Variants in MACROD2 observed in about 807,000 individuals in gnomAD.
The protein encoded by MACROD2 is ADP-ribose glycohydrolase MACROD2.
Under a neutral mutation model 70.4 loss-of-function variants are expected in MACROD2, and 36 were observed. That is an observed-to-expected ratio of 0.51 (90% CI 0.39 to 0.68). MACROD2 has a LOEUF of 0.68. Among genes scored for constraint, MACROD2 ranks in the 30% least tolerant of loss-of-function variants. MACROD2 has a pLI of 0.00. For missense variants in MACROD2, 496 were observed against 538.4 expected, an observed-to-expected ratio of 0.92 and a Z score of 0.78; for synonymous variants, 172 against 178.8, an observed-to-expected ratio of 0.96 and a Z score of 0.30.
At chr20:15,141,459 G>A (rs6079677) in intron 5 of MACROD2, among the ~76,000 whole-genome samples, 88,082 of 149,506 alleles carry the variant, frequency 0.59, 26,301 homozygotes, top group East Asian at 0.63. Context: ...TTGAAATCAA[G>A]TGATCTGGCT....
chr20:16,000,252 T>A (rs1292106776), intron 15 of MACROD2, among the ~76,000 whole-genome samples: 1 of 152,250 alleles, frequency 6.6e-6, no homozygotes, highest in Non-Finnish European at 1.5e-5. Flanking sequence ...TATGAATCTT[T>A]GTCAACACAC....
chr20:14,736,819 A>G (rs117523042), intron 5 of MACROD2, among the ~76,000 whole-genome samples: 5,248 of 152,286 alleles, frequency 0.034, 127 homozygotes, highest in Non-Finnish European at 0.05. Flanking sequence ...TCCGAAGCCA[A>G]AGCTCTTACC....
intron 3 of MACROD2, among the ~76,000 whole-genome samples, chr20:14,376,470 G>A (rs1680821547): frequency 6.6e-6 from 1 of 152,170 alleles, no homozygotes; most frequent in African/African-American, 2.4e-5. Flanking sequence ...CTGTGGGGAT[G>A]GGTGTAGTGG....
chr20:16,030,146 C>T (rs1278597216), intron 15 of MACROD2, among the ~76,000 whole-genome samples: 2 of 152,140 alleles, frequency 1.3e-5, no homozygotes. Context: ...AGGAATTATC[C>T]AAGCCCCAAA....
chr20:15,943,383 G>T (rs553748263), intron 12 of MACROD2, among the ~76,000 whole-genome samples: 2 of 152,220 alleles, frequency 1.3e-5, no homozygotes, highest in African/African-American at 2.4e-5. Flanking sequence ...CCCATTCTTG[G>T]TGTTCACCAT....
intron 4 of MACROD2, among the ~76,000 whole-genome samples, chr20:14,590,002 T>C (rs949535862): frequency 1.3e-5 from 2 of 152,216 alleles, no homozygotes; most frequent in African/African-American, 2.4e-5. Context: ...ATTTGTATTA[T>C]AGCTTCTTGG....
At chr20:15,937,428 C>T in intron 11 of MACROD2, 48 bp from the exon 12 acceptor site, 1 of 1,586,442 alleles carries the variant, frequency 6.3e-7, no homozygotes, top group Non-Finnish European at 8.7e-7. Context: ...CACAGCTGGA[C>T]TTCCGGAAGG....
chr20:14,765,680 C>T (rs204108), intron 5 of MACROD2, among the ~76,000 whole-genome samples: 1 of 151,872 alleles, frequency 6.6e-6, no homozygotes, highest in South Asian at 2.1e-4. Context: ...ATTTTCAAAA[C>T]GCCTTAGAAA....
chr20:14,547,798 A>G (rs1978366325), intron 4 of MACROD2, among the ~76,000 whole-genome samples: 1 of 152,180 alleles, frequency 6.6e-6, no homozygotes, highest in Admixed American at 6.6e-5. Flanking sequence ...TCACTCATAC[A>G]GTTGCATTCA....
intron 7 of MACROD2, among the ~76,000 whole-genome samples, chr20:15,489,798 G>A (rs139212670): frequency 6.6e-6 from 1 of 152,262 alleles, no homozygotes; most frequent in African/African-American, 2.4e-5. Flanking sequence ...CAACATGCCA[G>A]GTTCCAGGCT....
intron 3 of MACROD2, among the ~76,000 whole-genome samples, chr20:14,101,648 C>T (rs1031516195): frequency 6.6e-6 from 1 of 151,870 alleles, no homozygotes; most frequent in African/African-American, 2.4e-5. Context: ...CAAAATAAAA[C>T]CTAAACAGAA....
At chr20:15,333,367 TC>T (rs1555805583) in intron 6 of MACROD2, among the ~76,000 whole-genome samples, 1 of 151,576 alleles carries the variant, frequency 6.6e-6, no homozygotes, top group Non-Finnish European at 1.5e-5. Context: ...CCTCTTAAGC[TC>T]AGTTTCATTT....
intron 3 of MACROD2, among the ~76,000 whole-genome samples, chr20:14,369,839 A>C (rs2083306328): frequency 6.6e-6 from 1 of 152,246 alleles, no homozygotes; most frequent in Non-Finnish European, 1.5e-5. Context: ...ATAAATACTT[A>C]ATGTTAAAAG....
chr20:14,054,070 G>A (rs1178934126), intron 2 of MACROD2, among the ~76,000 whole-genome samples: 1 of 151,774 alleles, frequency 6.6e-6, no homozygotes, highest in African/African-American at 2.4e-5. Context: ...AATTTTTTTA[G>A]TATGTAATCG....
chr20:14,470,986 C>T (rs137889025), intron 3 of MACROD2, among the ~76,000 whole-genome samples: 1 of 152,292 alleles, frequency 6.6e-6, no homozygotes, highest in Non-Finnish European at 1.5e-5. Flanking sequence ...AAAACTCTTG[C>T]AGGTAGCTCG....
rs535615974 is a variant in MACROD2, at chr20:14,063,529, G to A, written c.164-22092G>A. 7.2e-4 allele frequency among the ~76,000 whole-genome samples: 109 copies of A among 152,148 alleles called. 1 individual carries two copies. The highest frequency in any genetic ancestry group is 2.5e-3 in the African/African-American group (103 of 41,506). On this transcript the variant is annotated intron_variant, in intron 2 of 17. Coordinates refer to ENST00000684519, the MANE Select transcript of MACROD2 (RefSeq NM_001351661.2). The stretch of plus-strand genomic sequence containing the variant: ...CTCCAAAATATGAAACTTTTTGAGG[G>A]GTGATGTGACGCCACAAGTAAAAAT...
At chr20:15,345,386 C>A (rs2078154928) in intron 6 of MACROD2, among the ~76,000 whole-genome samples, 1 of 152,124 alleles carries the variant, frequency 6.6e-6, no homozygotes, top group East Asian at 1.9e-4. Context: ...TTGTCTGTAT[C>A]CAGCAGCCCA....
chr20:15,553,453 A>G (rs1445439026), intron 8 of MACROD2, among the ~76,000 whole-genome samples: 1 of 152,086 alleles, frequency 6.6e-6, no homozygotes, highest in African/African-American at 2.4e-5. Context: ...ATAGAGTCTC[A>G]CTCTGTCACC....
intron 2 of MACROD2, among the ~76,000 whole-genome samples, chr20:14,049,889 G>T (rs1198639787): frequency 6.6e-6 from 1 of 151,998 alleles, no homozygotes; most frequent in Admixed American, 6.6e-5. Context: ...TTTGAGTCCA[G>T]CCTGGCCAAC....
Sources: allele counts gnomAD v4.1 joint callset (sites outside exome capture counted in the v4.1 genomes callset), GRCh38; gene constraint gnomAD v4.1.1; transcripts MANE v1.5; gene names NCBI Gene and HGNC (gene_info 2026-07-23, HGNC 2026-07-21).